Variants in ARHGAP10 observed in about 807,000 individuals in gnomAD.
The protein encoded by ARHGAP10 is rho GTPase-activating protein 10.
In ARHGAP10, 87 loss-of-function variants were observed where a neutral mutation model predicts 108.6. The ratio of observed to expected loss-of-function variants is 0.80; its 90% confidence interval spans 0.67 to 0.96. The LOEUF is 0.96. Ranked by LOEUF, ARHGAP10 falls within the 40% of genes least tolerant of loss-of-function variation. The pLI is 0.00. For missense variants in ARHGAP10, 939 were observed against 954.5 expected, an observed-to-expected ratio of 0.98 and a Z score of 0.21; for synonymous variants, 347 against 341.1, an observed-to-expected ratio of 1.02 and a Z score of -0.19.
At position 148,013,204 on chromosome 4, in the gene ARHGAP10, T is replaced by C. The variant is rs1343720062; in HGVS notation, c.1717-10059T>C. 2.0e-5 allele frequency among the ~76,000 whole-genome samples: 3 copies of C among 152,346 alleles called. No homozygotes were observed. In the East Asian group the frequency reaches 5.8e-4, roughly 29 times the overall value. On this transcript the variant is annotated intron_variant, in intron 18 of 22. Coordinates refer to ENST00000336498, the MANE Select transcript of ARHGAP10 (RefSeq NM_024605.4). ...GGATTTACTTTAGGCATTTTATTTT[T>C]ATTAGAGCTGAAATGCAAATGGAAA...
At chr4:147,990,102 T>C (rs1740212653) in intron 18 of ARHGAP10, among the ~76,000 whole-genome samples, 1 of 152,118 alleles carries the variant, frequency 6.6e-6, no homozygotes. Context: ...AGGAAAGAAA[T>C]TGATTGGAGG....
intron 1 of ARHGAP10, among the ~76,000 whole-genome samples, chr4:147,812,576 A>G (rs1665236957): frequency 6.6e-6 from 1 of 152,072 alleles, no homozygotes; most frequent in Admixed American, 6.5e-5. Flanking sequence ...GGAGCTGCCC[A>G]TAAAGCCTTT....
At chr4:147,945,533 A>C (rs1392193064) in intron 14 of ARHGAP10, among the ~76,000 whole-genome samples, 1 of 152,222 alleles carries the variant, frequency 6.6e-6, no homozygotes, top group Non-Finnish European at 1.5e-5. Context: ...TTATAGTGTT[A>C]ATGTGAAAGG....
chr4:148,049,058 T>C (rs898835753), intron 20 of ARHGAP10, among the ~76,000 whole-genome samples: 2 of 152,086 alleles, frequency 1.3e-5, no homozygotes, highest in Non-Finnish European at 2.9e-5. Flanking sequence ...CTCTGAAGTA[T>C]ATACTAAAAT....
chr4:148,067,801 C>T (rs1729963110), intron 22 of ARHGAP10, among the ~76,000 whole-genome samples: 1 of 152,088 alleles, frequency 6.6e-6, no homozygotes, highest in Non-Finnish European at 1.5e-5. Context: ...ATATCCTGAC[C>T]CAGAGTGTGG....
At chr4:147,961,971 G>T (rs1161950409) in intron 16 of ARHGAP10, among the ~76,000 whole-genome samples, 4 of 152,100 alleles carry the variant, frequency 2.6e-5, no homozygotes, top group Non-Finnish European at 4.4e-5. Context: ...TCCCCACAGT[G>T]CCCTCAGTTA....
At chr4:148,059,301 C>G (rs1363377960) in intron 20 of ARHGAP10, among the ~76,000 whole-genome samples, 1 of 152,128 alleles carries the variant, frequency 6.6e-6, no homozygotes, top group African/African-American at 2.4e-5. Flanking sequence ...ACTTCTTCCT[C>G]CATTTTCGCA....
chr4:148,059,730 G>C (rs904687803), intron 20 of ARHGAP10, among the ~76,000 whole-genome samples: 8 of 152,208 alleles, frequency 5.3e-5, no homozygotes, highest in Admixed American at 4.6e-4. Context: ...CCCTGCTTGC[G>C]AGCTACCAAA....
intron 3 of ARHGAP10, among the ~76,000 whole-genome samples, chr4:147,832,046 C>CG (rs1393413805): frequency 1.3e-5 from 2 of 152,060 alleles, no homozygotes; most frequent in African/African-American, 4.8e-5. Context: ...TCTGAGGAAT[C>CG]GGCCAACTCT....
At chr4:147,925,184 G>C (rs773507440) in intron 13 of ARHGAP10, among the ~76,000 whole-genome samples, 2 of 152,160 alleles carry the variant, frequency 1.3e-5, no homozygotes, top group Non-Finnish European at 1.5e-5. Flanking sequence ...ACGGTTTTCA[G>C]ATTATCTCAA....
chr4:147,748,310 C>T (rs1729014862), intron 1 of ARHGAP10, among the ~76,000 whole-genome samples: 1 of 152,062 alleles, frequency 6.6e-6, no homozygotes, highest in African/African-American at 2.4e-5. Flanking sequence ...GCCTACCAGT[C>T]GGGTGAAGAA....
At chr4:148,052,877 G>C (rs1729205767) in intron 20 of ARHGAP10, among the ~76,000 whole-genome samples, 1 of 152,156 alleles carries the variant, frequency 6.6e-6, no homozygotes, top group African/African-American at 2.4e-5. Flanking sequence ...ATTCTGCACA[G>C]AGGTTAGCTC....
chr4:147,974,304 C>A (rs1353014801), intron 18 of ARHGAP10, among the ~76,000 whole-genome samples: 1 of 151,924 alleles, frequency 6.6e-6, no homozygotes. Context: ...TTTTCATATA[C>A]CTCATTCTTA....
chr4:147,798,610 T>C (rs903535822), intron 1 of ARHGAP10, among the ~76,000 whole-genome samples: 4 of 151,690 alleles, frequency 2.6e-5, no homozygotes, highest in African/African-American at 9.7e-5. Flanking sequence ...TGAAACCCCG[T>C]CTCTACTAAA....
chr4:147,792,631 T>C (rs888692938), intron 1 of ARHGAP10, among the ~76,000 whole-genome samples: 1 of 152,232 alleles, frequency 6.6e-6, no homozygotes, highest in Non-Finnish European at 1.5e-5. Flanking sequence ...TCTAGTTCTC[T>C]TTGTGGTCCT....
chr4:148,020,546 G>GTT (rs561409036), intron 18 of ARHGAP10, among the ~76,000 whole-genome samples: 3 of 132,832 alleles, frequency 2.3e-5, no homozygotes, highest in African/African-American at 5.4e-5. Context: ...TGCGTTTTTT[G>GTT]TTTTTTTTTT....
At chr4:147,983,232 C>T (rs1021648365) in intron 18 of ARHGAP10, among the ~76,000 whole-genome samples, 1 of 145,404 alleles carries the variant, frequency 6.9e-6, no homozygotes, top group South Asian at 2.2e-4. Flanking sequence ...GTCGCCCAGG[C>T]TGGAGTACAG....
At chr4:147,750,897 C>G (rs1032703159) in intron 1 of ARHGAP10, among the ~76,000 whole-genome samples, 1 of 151,932 alleles carries the variant, frequency 6.6e-6, no homozygotes, top group Non-Finnish European at 1.5e-5. Context: ...CACTGGTGCC[C>G]GGCCATAAAA....
At chr4:147,840,942 T>C (rs1436150045) in intron 3 of ARHGAP10, among the ~76,000 whole-genome samples, 1 of 152,252 alleles carries the variant, frequency 6.6e-6, no homozygotes, top group African/African-American at 2.4e-5. Context: ...CTCAAGATGA[T>C]CCTTTCAGGC....
Sources: allele counts gnomAD v4.1 joint callset (sites outside exome capture counted in the v4.1 genomes callset), GRCh38; gene constraint gnomAD v4.1.1; transcripts MANE v1.5; gene names NCBI Gene and HGNC (gene_info 2026-07-23, HGNC 2026-07-21).